Variants in CCDC88A observed in about 807,000 individuals in gnomAD.
The protein encoded by CCDC88A is girdin.
Under a neutral mutation model 234.3 loss-of-function variants are expected in CCDC88A, and 54 were observed. The observed-to-expected ratio is 0.23, with a 90% CI of 0.19 to 0.29. The LOEUF is 0.29. Among genes scored for constraint, CCDC88A ranks in the 10% least tolerant of loss-of-function variants. The probability of loss-of-function intolerance (pLI) is 1.00; values close to 1 mark genes in which losing one functional copy is unlikely to be tolerated. For synonymous variants in CCDC88A, 753 were observed against 737.8 expected, an observed-to-expected ratio of 1.02 and a Z score of -0.33; for missense variants, 1,832 against 2,123.4, an observed-to-expected ratio of 0.86 and a Z score of 2.70.
At chr2:55,389,202 A>G (rs1263383630) in intron 2 of CCDC88A, among the ~76,000 whole-genome samples, 1 of 152,226 alleles carries the variant, frequency 6.6e-6, no homozygotes, top group East Asian at 1.9e-4. Flanking sequence ...ATATAGTTCT[A>G]TCACACAAAA....
chr2:55,356,605 G>A (rs1670615227), intron 7 of CCDC88A: 1 of 152,140 alleles, frequency 6.6e-6, no homozygotes, highest in South Asian at 2.1e-4. Context: ...TAGCATAGGT[G>A]GCTATTTAGT....
chr2:55,355,504 A>C, intron 8 of CCDC88A, 75 bp downstream of exon 8: 8 of 1,242,010 alleles, frequency 6.4e-6, no homozygotes, highest in Non-Finnish European at 8.2e-6. Flanking sequence ...CAATATTTCC[A>C]TAAGCTTAAA....
intron 2 of CCDC88A, among the ~76,000 whole-genome samples, chr2:55,401,053 G>C (rs1678527606): frequency 6.6e-6 from 1 of 152,124 alleles, no homozygotes; most frequent in Non-Finnish European, 1.5e-5. Flanking sequence ...TATCCAAGTA[G>C]TAAGGTATTT....
chr2:55,388,941 T>C, intron 2 of CCDC88A, 55 bp from the exon 3 acceptor site: 1 of 522,242 alleles, frequency 1.9e-6, no homozygotes, highest in Non-Finnish European at 3.3e-6. Flanking sequence ...TATCAATCTA[T>C]ATATAATTAA....
intron 5 of CCDC88A, among the ~76,000 whole-genome samples, chr2:55,371,049 T>C (rs1194171918): frequency 6.6e-6 from 1 of 152,088 alleles, no homozygotes; most frequent in Non-Finnish European, 1.5e-5. Context: ...CTACTGTGAA[T>C]TCTAGTAATC....
At chr2:55,382,862 C>G (rs952347697) in intron 3 of CCDC88A, among the ~76,000 whole-genome samples, 2 of 152,074 alleles carry the variant, frequency 1.3e-5, no homozygotes, top group African/African-American at 4.8e-5. Flanking sequence ...TATTATTAAT[C>G]ACAACAGAAA....
intron 31 of CCDC88A, chr2:55,294,730 T>G (rs1679818953): frequency 1.0e-6 from 1 of 991,134 alleles, no homozygotes; most frequent in South Asian, 4.6e-5. Context: ...GTCTTCTTGG[T>G]AAGAGAGCAT....
rs549766273 is a variant in CCDC88A, at chr2:55,355,427, A to G, written c.800+152T>C. On this transcript the variant is annotated intron_variant, in intron 8 of 32. Transcript: ENST00000436346. ...TCCTTTAAACTGTTAAGATTTAACA[A>G]TAGGAAAACCTTATGCCAACCTCCT... The G allele has an allele frequency of 2.3e-5, 15 of 653,964 alleles. No homozygotes were observed. In the South Asian group the frequency reaches 2.6e-4, roughly 11 times the overall value. 40.5% of individuals were successfully genotyped at this position (653,964 alleles called of 1,614,324 possible).
chr2:55,299,720 C>G, intron 29 of CCDC88A, 119 bp downstream of exon 29: 1 of 670,914 alleles, frequency 1.5e-6, no homozygotes, highest in Non-Finnish European at 2.6e-6. Context: ...TTCCAAACAA[C>G]TATGTTCCAA....
chr2:55,346,854 A>C (rs1393150768), intron 9 of CCDC88A, among the ~76,000 whole-genome samples: 4 of 152,156 alleles, frequency 2.6e-5, no homozygotes, highest in Non-Finnish European at 4.4e-5. Context: ...TATGTTACTA[A>C]AATTTTTTTA....
At position 55,334,218 on chromosome 2, in the gene CCDC88A, G is replaced by A. The variant is rs145063885; in HGVS notation, c.2603C>T (p.Thr868Ile). 95 of 1,450,710 alleles carry A rather than the reference G, an allele frequency of 6.5e-5. No individual in the cohort carries two copies. The African/African-American group carries it at 1.3e-3, about 20-fold the overall frequency. The allele number at this position is 1,450,710 out of a possible 1,614,324, so 89.9% of individuals were successfully genotyped here. A position where few individuals can be genotyped will look rare whatever the true frequency, so the allele number is the denominator to read the frequency against. The change falls in exon 15 of 33, where the codon ACC becomes ATC. Residue 868 changes from threonine (T) to isoleucine (I), a missense_variant. Physicochemically the swap from Thr to Ile is moderately conservative, Grantham distance 89 (BLOSUM62 -1). This residue lies in a region of CCDC88A where 1,282 missense variants were observed against 1,543.6 expected (regional missense o/e 0.83). Coordinates refer to ENST00000436346, the MANE Select transcript of CCDC88A (RefSeq NM_001365480.1). The surrounding 1 kb of genome is among the most constrained non-coding windows in gnomAD (Gnocchi z 6.1). ...ATATATACCAATTTCTTTGGATAGG[G>A]TTTTGTTTTCTTTTTCCAAATTTCC... ...KIGNLEKENK[T>I]LSKEIGIYKE...
intron 8 of CCDC88A, among the ~76,000 whole-genome samples, chr2:55,352,503 C>T (rs1191308765): frequency 6.6e-6 from 1 of 151,636 alleles, no homozygotes; most frequent in Non-Finnish European, 1.5e-5. Flanking sequence ...TGAATAAACT[C>T]TATGAAAAAA....
At chr2:55,340,521 G>A (rs1244263469) in intron 12 of CCDC88A, among the ~76,000 whole-genome samples, 5 of 151,984 alleles carry the variant, frequency 3.3e-5, no homozygotes, top group East Asian at 3.9e-4. Flanking sequence ...CTGGTATACC[G>A]AATAGTTACT....
rs749354013 is a variant in CCDC88A, at chr2:55,291,736, C to T, written c.5591G>A (p.Arg1864Lys). 2 of 1,612,454 alleles carry T rather than the reference C, an allele frequency of 1.2e-6. No individual in the cohort carries two copies. Among genetic ancestry groups the T allele is most frequent in the African/African-American group, 2.7e-5 (2 of 74,940 alleles). Residue 1864 changes from arginine (R) to lysine (K), a missense_variant, in exon 32 of 33, where the codon AGG (arginine) becomes AAG (lysine). Physicochemically the swap from Arg to Lys is conservative, Grantham distance 26. Around this residue, in one of 6 missense-constraint regions of CCDC88A, gnomAD observed 422 missense variants for 416.5 expected, o/e 1.01. Transcript: ENST00000436346. ...TTAGGAGCTTTGTTGCTCCCTAGACCTGCTTTTTGAATTTCTGCTTTCTTG... is the reference window on the plus strand; with the variant it reads ...TTAGGAGCTTTGTTGCTCCCTAGACTTGCTTTTTGAATTTCTGCTTTCTTG... ...KVQESRNSKS[R>K]SREQQSS
In CCDC88A at chr2:55,336,781, T is replaced by C. The variant is rs2104696342; in HGVS notation, c.1556A>G (p.Gln519Arg). 1 of 1,593,234 alleles carries C rather than the reference T, an allele frequency of 6.3e-7. No homozygotes were observed. The highest frequency in any genetic ancestry group is 1.7e-5 in the Admixed American group (1 of 58,186). ...ILENEIVQEK[Q>R]SLQNCQNLSK... ...TAAATTCTGACAATTCTGAAGACTT[T>C]GCTTTTCTTGAACAATCTCATTTTC... is the stretch of plus-strand genomic sequence containing the variant. Residue 519 changes from glutamine (Q) to arginine (R), a missense_variant, in exon 14 of 33, where the codon CAA (glutamine) becomes CGA (arginine). Physicochemically the swap from Gln to Arg is conservative, Grantham distance 43 (BLOSUM62 1). Transcript: ENST00000436346.
Position 55,418,033 on chromosome 2 carries a change from G to A in CCDC88A, c.164+783C>T, listed in dbSNP as rs1307544098. The A allele has an allele frequency of 2.0e-5, 3 of 152,106 alleles. No homozygotes were observed. The East Asian group carries it at 5.8e-4, about 29-fold the overall frequency. The allele number at this position is 152,106 out of a possible 1,614,324, so 9.4% of individuals were successfully genotyped here. On this transcript the variant is annotated intron_variant, in intron 2 of 32. Transcript: ENST00000436346. ...CTACAATAGCTGTAATTAGATAAAA[G>A]CTGAGTTTTAATTTTACTGATCCAG...
intron 25 of CCDC88A, among the ~76,000 whole-genome samples, chr2:55,307,476 C>T (rs920966372): frequency 6.6e-6 from 1 of 151,658 alleles, no homozygotes. Context: ...CTGCCTCAGC[C>T]TCCCAAGTAG....
In CCDC88A at chr2:55,299,833, G is replaced by A; in HGVS notation, c.4825+6C>T. The A allele has an allele frequency of 1.9e-6, 3 of 1,591,062 alleles. No homozygotes were observed. Among genetic ancestry groups the A allele is most frequent in the Non-Finnish European group, 2.6e-6 (3 of 1,159,480 alleles). ...GAGCGCATTAATAAATTTACCTACA[G>A]CATACCTTTGACTTCATGTAGTGAA... is the stretch of plus-strand genomic sequence containing the variant. On this transcript the variant is annotated splice_donor_region_variant and intron_variant, in intron 29 of 32. Transcript: ENST00000436346.
chr2:55,340,433 T>C (rs1309839555), intron 12 of CCDC88A: 1 of 152,166 alleles, frequency 6.6e-6, no homozygotes, highest in Non-Finnish European at 1.5e-5. Flanking sequence ...GCAAATAACC[T>C]CCATATTTAA....
Sources: gnomAD v4.1 joint callset for allele counts (sites outside exome capture counted in the v4.1 genomes callset) on GRCh38, gnomAD v4.1.1 for gene constraint, gnomAD v4.1.1 regional missense constraint, Gnocchi (gnomAD v3.1) non-coding constraint, MANE v1.5 for transcripts, NCBI Gene and HGNC (gene_info 2026-07-23, HGNC 2026-07-21) for gene names.